The following SBNO1 variants were observed in gnomAD, a reference collection of about 807,000 sequenced individuals.
SBNO1 encodes strawberry notch homolog 1, also known as protein strawberry notch homolog 1.
A neutral mutation model predicts 173.6 loss-of-function variants in SBNO1; 23 were observed. That is an observed-to-expected ratio of 0.13 (90% confidence interval 0.10 to 0.19). The LOEUF (loss-of-function observed/expected upper bound fraction) is 0.19. Among genes scored for constraint, SBNO1 ranks in the 10% least tolerant of loss-of-function variants. The pLI is 1.00. For synonymous variants in SBNO1, 632 were observed against 571.5 expected (o/e 1.11, Z -1.51); for missense variants, 1,238 against 1,671.2 (o/e 0.74, Z 4.52).
At chr12:123,322,665 G>T (rs548294851) in intron 16 of SBNO1, among the ~76,000 whole-genome samples, 2 of 151,822 alleles carry the variant, frequency 1.3e-5, no homozygotes, top group African/African-American at 4.8e-5. Context: ...CAGCACTTTG[G>T]GAGGCCTAGG....
rs940066115 is a variant in SBNO1, at chr12:123,292,025, T to TG, written c.*3882_*3883insC. On this transcript the variant is annotated 3_prime_UTR_variant, in exon 32 of 32. Transcript: ENST00000602398. ...ACAACTGGCATTCAATGAGACATTT[T>TG]TTTTTTTTTTTGCAGTTTTTGCTCT... The TG allele has an allele frequency of 2.6e-5, 4 of 151,652 alleles. No homozygotes were observed. Among genetic ancestry groups the TG allele is most frequent in the African/African-American group, 9.7e-5 (4 of 41,262 alleles). The allele number at this position is 151,652 out of a possible 1,614,324, so 9.4% of individuals were successfully genotyped here. A position where few individuals can be genotyped will look rare whatever the true frequency, so the allele number is the denominator to read the frequency against.
At position 123,298,029 on chromosome 12, in the gene SBNO1, C is replaced by T. The variant is rs114590549; in HGVS notation, c.3988G>A (p.Val1330Met). ...CTTAGCCGCACGATCTGCATCTTCA[C>T]GTTTGTGCCACTGACAGATGCTAGA... is the stretch of plus-strand genomic sequence containing the variant. ...GVLASVSGTN[V>M]KMQIVRLRTE... Residue 1330 changes from valine to methionine, a missense_variant, in exon 31 of 32, where the codon GTG (valine) becomes ATG (methionine). Transcript: ENST00000602398. The T allele has an allele frequency of 1.4e-5, 22 of 1,613,988 alleles. No individual in the cohort carries two copies. The Admixed American group carries it at 2.5e-4, about 18-fold the overall frequency.
In SBNO1 at chr12:123,309,489, T is replaced by C. The variant is rs759869829; in HGVS notation, c.3537A>G (p.Thr1179=). The C allele has an allele frequency of 3.1e-6, 5 of 1,610,186 alleles. No homozygotes were observed. The highest frequency in any genetic ancestry group is 1.3e-5 in the African/African-American group (1 of 74,842). Residue 1179 remains threonine (T), a splice_region_variant and synonymous_variant, in exon 27 of 32, where the codon ACA becomes ACG. Transcript: ENST00000602398. ...YSTSGHVELY[T]ISVERGMSWE... ...ACTTCACAACATTTTCTAAACTTAC[T>C]GTGTATAATTCTACGTGGCCAGAGG...
At chr12:123,350,580 A>G (rs572931670) in intron 1 of SBNO1, 139 bp from the exon 2 acceptor site, 7 of 687,600 alleles carry the variant, frequency 1.0e-5, no homozygotes, top group South Asian at 1.9e-5. Flanking sequence ...TGTCTCAGAC[A>G]AAGAGGATAA....
Position 123,309,349 on chromosome 12 carries a change from C to T in SBNO1, c.3591G>A (p.Glu1197=), listed in dbSNP as rs745314674. 17 of 1,614,070 alleles carry T rather than the reference C, an allele frequency of 1.1e-5. No individual in the cohort carries two copies. The highest frequency in any genetic ancestry group is 1.4e-5 in the Non-Finnish European group (17 of 1,180,018). Residue 1197 remains glutamate, a synonymous_variant, in exon 28 of 32, where the codon GAG becomes GAA. Coordinates refer to ENST00000602398, the MANE Select transcript of SBNO1 (RefSeq NM_001167856.3). The part of the protein sequence containing the change: ...SWEEATKIWA[E]LTGPDDGFYL... ...AAAAGCCATCGTCTGGTCCTGTCAGCTCAGCCCAAATCTTGGTAGCTTCCT... is the reference window on the plus strand; with the variant it reads ...AAAAGCCATCGTCTGGTCCTGTCAGTTCAGCCCAAATCTTGGTAGCTTCCT...
intron 2 of SBNO1, among the ~76,000 whole-genome samples, chr12:123,349,814 C>T (rs1292493374): frequency 6.6e-6 from 1 of 151,966 alleles, no homozygotes; most frequent in African/African-American, 2.4e-5. Context: ...ACTCAGGAGG[C>T]TGAGGCAAGA....
rs1270455646 is a variant in SBNO1, at chr12:123,290,054, C to A, written c.*5854G>T. On this transcript the variant is annotated 3_prime_UTR_variant, in exon 32 of 32. Coordinates refer to ENST00000602398, the MANE Select transcript of SBNO1 (RefSeq NM_001167856.3). ...AATTACAAGTATCAAAAAGAACCCG[C>A]CTTTTTGGGCTTCTTCTTTTCCTTG... is the stretch of plus-strand genomic sequence containing the variant. The A allele has an allele frequency of 6.6e-6, 1 of 152,246 alleles. No individual in the cohort carries two copies. Among genetic ancestry groups the A allele is most frequent in the Non-Finnish European group, 1.5e-5 (1 of 68,050 alleles). The allele number at this position is 152,246 out of a possible 1,614,324, so 9.4% of individuals were successfully genotyped here.
rs1268348114 is a variant in SBNO1, at chr12:123,350,264, T to C, written c.132+46A>G. On this transcript the variant is annotated intron_variant, in intron 2 of 31. Transcript: ENST00000602398. ...GTGAGACTATCTTAAAAAAAAATACTGTAAGCGGAAATCACTAAGAAAGAG... is the reference window on the plus strand; with the variant it reads ...GTGAGACTATCTTAAAAAAAAATACCGTAAGCGGAAATCACTAAGAAAGAG... 2.5e-6 allele frequency: 4 copies of C among 1,606,086 alleles called. No homozygotes were observed. In the African/African-American group the frequency reaches 4.0e-5, roughly 16 times the overall value.
At chr12:123,326,736 G>A (rs532163125) in intron 13 of SBNO1, among the ~76,000 whole-genome samples, 1 of 151,998 alleles carries the variant, frequency 6.6e-6, no homozygotes, top group Non-Finnish European at 1.5e-5. Context: ...GATCAGGCTG[G>A]GCAACACTGT....
Position 123,308,437 on chromosome 12 carries a change from A to G in SBNO1, c.3630+873T>C, listed in dbSNP as rs372828765. On this transcript the variant is annotated intron_variant, in intron 28 of 31. Transcript: ENST00000602398. The stretch of plus-strand genomic sequence containing the variant: ...TGTAATCCCAGCACTTTGGGAGGCC[A>G]AGGCGGGCAGATCACGAGGTCAGGA... 1.3e-3 allele frequency among the ~76,000 whole-genome samples: 192 copies of G among 151,890 alleles called. 3 individuals are homozygous for G. The South Asian group carries it at 0.028, about 22-fold the overall frequency.
At chr12:123,338,067 G>A (rs778281982) in intron 5 of SBNO1, among the ~76,000 whole-genome samples, 6 of 152,134 alleles carry the variant, frequency 3.9e-5, no homozygotes, top group Non-Finnish European at 7.4e-5. Context: ...GGAGACCACG[G>A]TACCTGGGAA....
At chr12:123,297,166 C>T (rs759693797) in intron 31 of SBNO1, among the ~76,000 whole-genome samples, 3 of 150,300 alleles carry the variant, frequency 2.0e-5, no homozygotes, top group Admixed American at 2.0e-4. Flanking sequence ...TTGAGACTAG[C>T]CTGGCCAACA....
chr12:123,327,865 T>C (rs1418564364), intron 11 of SBNO1, 27 bp downstream of exon 11: 7 of 1,582,762 alleles, frequency 4.4e-6, no homozygotes, highest in South Asian at 2.3e-5. Flanking sequence ...ACCTACAATA[T>C]ATATTTTTAA....
intron 1 of SBNO1, among the ~76,000 whole-genome samples, chr12:123,355,535 C>T (rs1478646166): frequency 1.3e-5 from 2 of 151,674 alleles, no homozygotes; most frequent in Non-Finnish European, 2.9e-5. Flanking sequence ...ACCCGGGAGG[C>T]GGAGGTTGCA....
At chr12:123,317,382 G>C (rs1478158418) in intron 20 of SBNO1, 26 bp from the exon 21 acceptor site, 1 of 1,612,088 alleles carries the variant, frequency 6.2e-7, no homozygotes, top group Admixed American at 1.7e-5. Context: ...GAAAAATAAA[G>C]TCACTTTTGC....
intron 1 of SBNO1, among the ~76,000 whole-genome samples, chr12:123,357,007 G>C (rs1167406081): frequency 6.6e-6 from 1 of 152,110 alleles, no homozygotes; most frequent in African/African-American, 2.4e-5. Context: ...TTTAGTTTAA[G>C]AATTTTAAGA....
At chr12:123,307,139 T>C (rs1424775113) in intron 28 of SBNO1, among the ~76,000 whole-genome samples, 1 of 150,842 alleles carries the variant, frequency 6.6e-6, no homozygotes, top group Non-Finnish European at 1.5e-5. Context: ...CAGTGAGCCA[T>C]GATCACGCAC....
In SBNO1 at chr12:123,294,134, T is replaced by C. The variant is rs1413618863; in HGVS notation, c.*1774A>G. The C allele has an allele frequency of 6.6e-6, 1 of 152,204 alleles. No homozygotes were observed. Among genetic ancestry groups the C allele is most frequent in the Admixed American group, 6.5e-5 (1 of 15,278 alleles). The allele number at this position is 152,204 out of a possible 1,614,324, so 9.4% of individuals were successfully genotyped here. On this transcript the variant is annotated 3_prime_UTR_variant, in exon 32 of 32. Transcript: ENST00000602398. The stretch of plus-strand genomic sequence containing the variant: ...TAGAAGTTGCATCCGCTGGGCAAAA[T>C]GTGCCAAAGAACAGAAAGTACTTTC...
At chr12:123,331,885 G>C (rs759901591) in intron 7 of SBNO1, among the ~76,000 whole-genome samples, 2 of 151,762 alleles carry the variant, frequency 1.3e-5, no homozygotes, top group Non-Finnish European at 2.9e-5. Context: ...ACGGGGTCTC[G>C]CTCTGTTGCC....
Sources: allele counts gnomAD v4.1 joint callset (sites outside exome capture counted in the v4.1 genomes callset), GRCh38; gene constraint gnomAD v4.1.1; transcripts MANE v1.5; gene names NCBI Gene and HGNC (gene_info 2026-07-23, HGNC 2026-07-21).